The following DCAF8L2 variants were observed in gnomAD, a reference collection of about 807,000 sequenced individuals.
DCAF8L2 encodes DDB1 and CUL4 associated factor 8 like 2.
For missense variants in DCAF8L2, 430 were observed against 490.7 expected (o/e 0.88, Z 1.17); for synonymous variants, 200 against 190.9 (o/e 1.05, Z -0.39).
In DCAF8L2 at chrX:27,746,035, G is replaced by A. The variant is rs1922143347; in HGVS notation, c.-58-803G>A. On this transcript the variant is annotated intron_variant, in intron 4 of 4. Coordinates refer to ENST00000451261, the MANE Select transcript of DCAF8L2 (RefSeq NM_001353450.2). ...GGAAGTACTACTTCTATCTCAAATA[G>A]GTGAAGCAATTACTCATTTCAGTGT... Among the ~76,000 whole-genome samples the A allele has an allele frequency of 2.7e-5, 3 of 111,658 alleles. No individual in the cohort carries two copies. The South Asian group carries it at 1.1e-3, about 41-fold the overall frequency.
the DCAF8L2 span, among the ~76,000 whole-genome samples, chrX:27,479,153 G>A: frequency 2.7e-5 from 3 of 110,859 alleles, no homozygotes; most frequent in South Asian, 1.2e-3. Context: ...AAGATGCCAT[G>A]TAGAGGACTA....
Position 27,590,400 on chromosome X carries a change from A to C in DCAF8L2, c.-382A>C, listed in dbSNP as rs1016696596. 9.0e-6 allele frequency: 1 copy of C among 111,711 alleles called. No individual in the cohort carries two copies. Among genetic ancestry groups the C allele is most frequent in the Non-Finnish European group, 1.9e-5 (1 of 53,193 alleles). The allele number at this position is 111,711 out of a possible 1,213,427, so 9.2% of individuals were successfully genotyped here. Reference sequence around the variant, plus strand: ...CAAGGTTATTTAGAAGACGTCTTGCACTGTTCAAATGCAGAGGAAGGCGAA... The same window carrying C: ...CAAGGTTATTTAGAAGACGTCTTGCCCTGTTCAAATGCAGAGGAAGGCGAA... On this transcript the variant is annotated 5_prime_UTR_variant, in exon 1 of 5. Coordinates refer to ENST00000451261, the MANE Select transcript of DCAF8L2 (RefSeq NM_001353450.2).
chrX:27,519,705 G>A, the DCAF8L2 span: 37 of 577,371 alleles, frequency 6.4e-5, no homozygotes, highest in South Asian at 6.8e-4. Context: ...AGAAAAATGC[G>A]CGTGTTAAGA....
chrX:27,555,117 C>T, the DCAF8L2 span, among the ~76,000 whole-genome samples: 1 of 111,741 alleles, frequency 8.9e-6, no homozygotes, highest in South Asian at 3.8e-4. Flanking sequence ...AGGAAAAAAT[C>T]TACCTGACAG....
chrX:27,470,092 A>G, the DCAF8L2 span, among the ~76,000 whole-genome samples: 3 of 112,180 alleles, frequency 2.7e-5, no homozygotes, highest in Non-Finnish European at 3.8e-5. Context: ...TTTCTTAAGC[A>G]GGAGGGCTGA....
intron 1 of DCAF8L2, among the ~76,000 whole-genome samples, chrX:27,600,621 G>A (rs1926596298): frequency 8.9e-6 from 1 of 112,063 alleles, no homozygotes; most frequent in South Asian, 3.7e-4. Flanking sequence ...GAAAGTATAA[G>A]ACAAAAATGA....
intron 3 of DCAF8L2, among the ~76,000 whole-genome samples, chrX:27,686,271 GAT>G (rs1441553322): frequency 2.7e-5 from 3 of 111,268 alleles, no homozygotes; most frequent in African/African-American, 9.8e-5. Flanking sequence ...ACATCAAAGA[GAT>G]ATTTGCATAC....
At chrX:27,527,182 G>A in the DCAF8L2 span, among the ~76,000 whole-genome samples, 1 of 112,259 alleles carries the variant, frequency 8.9e-6, no homozygotes, top group East Asian at 2.8e-4. Context: ...CCCAGTTTGA[G>A]CTTCCAGGCT....
the DCAF8L2 span, among the ~76,000 whole-genome samples, chrX:27,483,224 C>T: frequency 1.8e-5 from 2 of 111,208 alleles, no homozygotes; most frequent in African/African-American, 3.3e-5. Context: ...CAAACAGAAG[C>T]GAGTAAACTG....
chrX:27,708,147 A>G (rs776129672), intron 3 of DCAF8L2, among the ~76,000 whole-genome samples: 1 of 110,667 alleles, frequency 9.0e-6, no homozygotes, highest in African/African-American at 3.3e-5. Flanking sequence ...TAGTTTTTCA[A>G]CCCTTGCCTC....
the DCAF8L2 span, among the ~76,000 whole-genome samples, chrX:27,493,735 A>C: frequency 9.6e-6 from 1 of 104,116 alleles, no homozygotes; most frequent in Non-Finnish European, 2.0e-5. Context: ...AAAAAAAAAA[A>C]GAAAAGAAAA....
the DCAF8L2 span, among the ~76,000 whole-genome samples, chrX:27,550,415 T>C: frequency 1.8e-5 from 2 of 110,651 alleles, no homozygotes; most frequent in African/African-American, 3.3e-5. Flanking sequence ...CAGGGTGGTC[T>C]CAAACTCCTG....
the DCAF8L2 span, among the ~76,000 whole-genome samples, chrX:27,526,089 G>A: frequency 4.9e-4 from 55 of 111,934 alleles, no homozygotes; most frequent in South Asian, 0.015. Flanking sequence ...CTAGGTTGGG[G>A]AAGTTCTCCT....
At chrX:27,647,130 T>C (rs184503653) in intron 2 of DCAF8L2, among the ~76,000 whole-genome samples, 1 of 111,888 alleles carries the variant, frequency 8.9e-6, no homozygotes, top group African/African-American at 3.2e-5. Context: ...TGCAGCAGCA[T>C]TCACAATAGC....
intron 3 of DCAF8L2, among the ~76,000 whole-genome samples, chrX:27,693,804 T>C (rs1055094402): frequency 4.5e-5 from 5 of 112,199 alleles, no homozygotes; most frequent in Non-Finnish European, 5.6e-5. Context: ...GCAGTTTGGA[T>C]ATTTCTCAAA....
intron 3 of DCAF8L2, among the ~76,000 whole-genome samples, chrX:27,704,154 GTATA>G (rs34605340): frequency 6.6e-5 from 5 of 76,165 alleles, no homozygotes; most frequent in Non-Finnish European, 2.3e-5. Context: ...TAGTGCTGCA[GTATA>G]TATATATATA....
chrX:27,668,779 C>A (rs562629346), intron 2 of DCAF8L2, among the ~76,000 whole-genome samples: 3 of 111,185 alleles, frequency 2.7e-5, no homozygotes, highest in African/African-American at 9.8e-5. Flanking sequence ...ATGGCGAAAC[C>A]CCGTCTCTAC....
chrX:27,571,392 G>A, the DCAF8L2 span, among the ~76,000 whole-genome samples: 3 of 111,662 alleles, frequency 2.7e-5, no homozygotes, highest in Non-Finnish European at 5.6e-5. Flanking sequence ...TATAGGTGTT[G>A]GGTGTGGTGG....
the DCAF8L2 span, among the ~76,000 whole-genome samples, chrX:27,495,107 A>G: frequency 9.0e-6 from 1 of 111,646 alleles, no homozygotes; most frequent in South Asian, 3.7e-4. Flanking sequence ...CTAAAGTTCT[A>G]TATTCATTCT....
Sources: gnomAD v4.1 joint callset for allele counts (sites outside exome capture counted in the v4.1 genomes callset) on GRCh38, gnomAD v4.1.1 for gene constraint, MANE v1.5 for transcripts, NCBI Gene and HGNC (gene_info 2026-07-23, HGNC 2026-07-21) for gene names.